PARD3: variants seen among roughly 807,000 people sequenced by gnomAD.
PARD3 encodes the protein par-3 family cell polarity regulator.
PARD3 carries 75 observed loss-of-function variants against 155.4 expected under a neutral mutation model. The observed-to-expected ratio is 0.48, with a 90% CI of 0.40 to 0.58. The LOEUF (loss-of-function observed/expected upper bound fraction) is 0.58. Among genes scored for constraint, PARD3 ranks in the 20% least tolerant of loss-of-function variants. The probability of loss-of-function intolerance (pLI) is 0.00; values close to 1 mark genes in which losing one functional copy is unlikely to be tolerated. For missense variants in PARD3, 1,642 were observed against 1,721.7 expected, an observed-to-expected ratio of 0.95 and a Z score of 0.82; for synonymous variants, 576 against 610.5, an observed-to-expected ratio of 0.94 and a Z score of 0.83.
At position 34,309,548 on chromosome 10, in the gene PARD3, C is replaced by CAAAAAAAAAAAAAAAAAAAAA. The variant is rs1173904388; in HGVS notation, c.3065+7538_3065+7558dup. Among the ~76,000 whole-genome samples, 3 of 64,032 alleles carry CAAAAAAAAAAAAAAAAAAAAA rather than the reference C, an allele frequency of 4.7e-5. 1 individual carries two copies. Among genetic ancestry groups the CAAAAAAAAAAAAAAAAAAAAA allele is most frequent in the Non-Finnish European group, 8.5e-5 (3 of 35,490 alleles). The allele number at this position is 64,032 out of a possible 152,430, so 42.0% of individuals were successfully genotyped here. A position where few individuals can be genotyped will look rare whatever the true frequency, so the allele number is the denominator to read the frequency against. On this transcript the variant is annotated intron_variant, in intron 20 of 24. Coordinates refer to ENST00000374788, the MANE Select transcript of PARD3 (RefSeq NM_001184785.2). ...CTCCTGCTGAGCAAGACCCTGTCTC[C>CAAAAAAAAAAAAAAAAAAAAA]AAAAAAAAAAAAAAAAAAAAAAAAA...
At chr10:34,804,550 G>A (rs1053323534) in intron 1 of PARD3, among the ~76,000 whole-genome samples, 5 of 152,222 alleles carry the variant, frequency 3.3e-5, no homozygotes, top group African/African-American at 1.2e-4. Flanking sequence ...GTATAACCCT[G>A]CTGGGCAGGA....
chr10:34,697,001 C>CAA (rs1446806977), intron 1 of PARD3, among the ~76,000 whole-genome samples: 2 of 144,284 alleles, frequency 1.4e-5, no homozygotes, highest in Non-Finnish European at 3.0e-5. Flanking sequence ...AAATGACACA[C>CAA]ACACACACAC....
chr10:34,787,927 CA>C, intron 1 of PARD3, among the ~76,000 whole-genome samples: 2 of 151,834 alleles, frequency 1.3e-5, no homozygotes, highest in East Asian at 3.9e-4. Context: ...ACTGAAGGAA[CA>C]CAACCACCAT....
intron 2 of PARD3, among the ~76,000 whole-genome samples, chr10:34,612,038 GGATGGTCTC>G (rs1357414595): frequency 6.6e-6 from 1 of 150,634 alleles, no homozygotes; most frequent in African/African-American, 2.4e-5. Flanking sequence ...GTGTTAGCCA[GGATGGTCTC>G]GATCCCCTCA....
intron 12 of PARD3, among the ~76,000 whole-genome samples, chr10:34,364,578 G>A (rs1839784729): frequency 6.6e-6 from 1 of 151,920 alleles, no homozygotes; most frequent in South Asian, 2.1e-4. Flanking sequence ...GGGACCCCAG[G>A]CACACCACCA....
intron 7 of PARD3, among the ~76,000 whole-genome samples, chr10:34,392,486 T>C (rs980831957): frequency 6.6e-6 from 1 of 152,298 alleles, no homozygotes; most frequent in African/African-American, 2.4e-5. Context: ...AAATAAGATA[T>C]CTGCCAACAT....
At chr10:34,759,124 A>C (rs777820495) in intron 1 of PARD3, among the ~76,000 whole-genome samples, 20 of 152,224 alleles carry the variant, frequency 1.3e-4, no homozygotes, top group Non-Finnish European at 2.5e-4. Context: ...AAAAGAAAAA[A>C]AGAAAAAAAA....
chr10:34,767,866 G>T (rs1838306128), intron 1 of PARD3, among the ~76,000 whole-genome samples: 1 of 151,980 alleles, frequency 6.6e-6, no homozygotes, highest in Non-Finnish European at 1.5e-5. Flanking sequence ...TGTGGTGGCA[G>T]TGGGCCAAGA....
chr10:34,619,613 C>T (rs1383506441), intron 2 of PARD3, among the ~76,000 whole-genome samples: 2 of 152,116 alleles, frequency 1.3e-5, no homozygotes, highest in Non-Finnish European at 1.5e-5. Flanking sequence ...GTAGTCATCT[C>T]GTTTCTCACA....
chr10:34,758,790 A>G (rs1279629586), intron 1 of PARD3, among the ~76,000 whole-genome samples: 1 of 152,228 alleles, frequency 6.6e-6, no homozygotes, highest in Non-Finnish European at 1.5e-5. Flanking sequence ...ACCCTGTGAA[A>G]GGGCACACCT....
chr10:34,665,344 T>C (rs2093423991), intron 2 of PARD3, among the ~76,000 whole-genome samples: 1 of 140,052 alleles, frequency 7.1e-6, no homozygotes, highest in Admixed American at 7.1e-5. Flanking sequence ...AAGCCCTGTA[T>C]CTGCTGAAAA....
chr10:34,217,277 A>T (rs1952044988), intron 22 of PARD3, among the ~76,000 whole-genome samples: 1 of 152,052 alleles, frequency 6.6e-6, no homozygotes, highest in Admixed American at 6.5e-5. Context: ...TAGATCGTAC[A>T]CGTCATCACT....
chr10:34,756,588 G>C (rs1447838017), intron 1 of PARD3, among the ~76,000 whole-genome samples: 2 of 151,238 alleles, frequency 1.3e-5, no homozygotes, highest in Non-Finnish European at 2.9e-5. Flanking sequence ...CAAGTAGCTG[G>C]GACTACAGGC....
At chr10:34,381,912 CAAAAAAAAAAAAAAAAAAA>C (rs202053812) in intron 9 of PARD3, among the ~76,000 whole-genome samples, 2 of 71,882 alleles carry the variant, frequency 2.8e-5, no homozygotes. Flanking sequence ...GGCCCTGTCT[CAAAAAAAAAAAAAAAAAAA>C]AAAAAAAAAA....
At chr10:34,579,574 G>GTGTGTGTGTGTATA (rs1554775640) in intron 2 of PARD3, among the ~76,000 whole-genome samples, 2 of 150,988 alleles carry the variant, frequency 1.3e-5, no homozygotes. Context: ...GTGTGTGTGT[G>GTGTGTGTGTGTATA]TGTGTGTGTG....
chr10:34,346,973 T>C (rs1247420481), intron 15 of PARD3, among the ~76,000 whole-genome samples: 1 of 152,254 alleles, frequency 6.6e-6, no homozygotes, highest in Non-Finnish European at 1.5e-5. Flanking sequence ...TCTTTGTATC[T>C]ACAGCAACAG....
chr10:34,612,637 T>G (rs774846128), intron 2 of PARD3, among the ~76,000 whole-genome samples: 3 of 152,174 alleles, frequency 2.0e-5, no homozygotes, highest in Non-Finnish European at 4.4e-5. Flanking sequence ...TCTGGAAAAC[T>G]GGGGCAACAA....
At chr10:34,581,456 G>C (rs986970861) in intron 2 of PARD3, among the ~76,000 whole-genome samples, 4 of 151,484 alleles carry the variant, frequency 2.6e-5, no homozygotes, top group African/African-American at 9.7e-5. Context: ...GGCTGGTCTT[G>C]AACTCCTGAC....
At chr10:34,688,455 A>G (rs186229466) in intron 2 of PARD3, among the ~76,000 whole-genome samples, 4 of 152,362 alleles carry the variant, frequency 2.6e-5, no homozygotes, top group Non-Finnish European at 5.9e-5. Flanking sequence ...GGTGGTGAAG[A>G]TAACATTAAA....
Sources: allele counts gnomAD v4.1 joint callset (sites outside exome capture counted in the v4.1 genomes callset), GRCh38; gene constraint gnomAD v4.1.1; transcripts MANE v1.5; gene names NCBI Gene and HGNC (gene_info 2026-07-23, HGNC 2026-07-21).